CPO: variants seen among roughly 807,000 people sequenced by gnomAD.
The protein encoded by CPO is carboxypeptidase O, also known as metallocarboxypeptidase C.
A neutral mutation model predicts 41.2 loss-of-function variants in CPO; 43 were observed. The ratio of observed to expected loss-of-function variants is 1.04; its 90% CI spans 0.82 to 1.35. The LOEUF (loss-of-function observed/expected upper bound fraction) is 1.35. Among genes scored for constraint, CPO ranks in the 40% most tolerant of loss-of-function variants. The pLI is 0.00. For missense variants in CPO, 408 were observed against 451.7 expected (o/e 0.90, Z 0.88); for synonymous variants, 178 against 162.7 (o/e 1.09, Z -0.72).
At chr2:206,941,915 A>G (rs1305017278) in intron 1 of CPO, among the ~76,000 whole-genome samples, 2 of 152,118 alleles carry the variant, frequency 1.3e-5, no homozygotes, top group African/African-American at 4.8e-5. Context: ...AGCAATATCA[A>G]TCAAATGGCT....
At chr2:206,945,802 G>A (rs1693132868) in intron 1 of CPO, among the ~76,000 whole-genome samples, 1 of 152,036 alleles carries the variant, frequency 6.6e-6, no homozygotes, top group South Asian at 2.1e-4. Context: ...CAGGCATGGT[G>A]GCACATGCCT....
At chr2:206,968,671 A>G (rs934882242) in intron 8 of CPO, among the ~76,000 whole-genome samples, 2 of 152,220 alleles carry the variant, frequency 1.3e-5, no homozygotes, top group South Asian at 2.1e-4. Flanking sequence ...TGGTCAGTCA[A>G]TTCAGTTCCC....
rs902899522 is a variant in CPO at position 206,962,494 on chromosome 2, C to T, written c.657C>T (p.Ala219=). Residue 219 remains alanine, a synonymous_variant, in exon 7 of 9, where the codon GCC becomes GCT. Coordinates refer to ENST00000272852, the MANE Select transcript of CPO (RefSeq NM_173077.3). The part of the protein sequence containing the change: ...PVSEPETKAV[A]SFIESKKDDI... ...CTGAACCAGAGACTAAAGCTGTTGC[C>T]AGCTTCATAGAGAGCAAGAAGGATG... 11 of 1,614,150 alleles carry T rather than the reference C, an allele frequency of 6.8e-6. No homozygotes were observed. Among genetic ancestry groups the T allele is most frequent in the Non-Finnish European group, 9.3e-6 (11 of 1,179,994 alleles).
intron 8 of CPO, among the ~76,000 whole-genome samples, chr2:206,968,962 G>C (rs1693632725): frequency 1.3e-5 from 2 of 152,220 alleles, no homozygotes; most frequent in Non-Finnish European, 2.9e-5. Flanking sequence ...ACAGTGCCAG[G>C]TATGATGGGG....
chr2:206,943,689 TA>T (rs765877913), intron 1 of CPO, among the ~76,000 whole-genome samples: 1 of 104,548 alleles, frequency 9.6e-6, no homozygotes, highest in Non-Finnish European at 2.1e-5. Flanking sequence ...GATAGATAGA[TA>T]GATAGATAGA....
intron 7 of CPO, 92 bp downstream of exon 7, chr2:206,962,706 C>T (rs1693504384): frequency 9.5e-7 from 1 of 1,052,826 alleles, no homozygotes; most frequent in Non-Finnish European, 1.5e-6. Flanking sequence ...TTGGCTCCAG[C>T]CACCCTTTTG....
chr2:206,964,675 T>C (rs1021107521), intron 7 of CPO, among the ~76,000 whole-genome samples: 2 of 152,214 alleles, frequency 1.3e-5, no homozygotes, highest in Non-Finnish European at 2.9e-5. Flanking sequence ...ATTTCTTCAA[T>C]AAAGAAATCT....
intron 7 of CPO, among the ~76,000 whole-genome samples, chr2:206,967,350 TAGATATATAG>T (rs536825108): frequency 6.3e-5 from 7 of 111,998 alleles, no homozygotes; most frequent in South Asian, 2.8e-4. Flanking sequence ...TATATATATA[TAGATATATAG>T]ATATAGATAT....
At chr2:206,945,843 G>A (rs996889650) in intron 1 of CPO, among the ~76,000 whole-genome samples, 5 of 152,098 alleles carry the variant, frequency 3.3e-5, no homozygotes, top group Non-Finnish European at 5.9e-5. Flanking sequence ...GGCTGAGGCA[G>A]GAGGATTGCT....
intron 1 of CPO, among the ~76,000 whole-genome samples, chr2:206,942,619 G>C (rs1693050529): frequency 6.6e-6 from 1 of 151,890 alleles, no homozygotes; most frequent in South Asian, 2.1e-4. Flanking sequence ...TACCCCAAAG[G>C]ATCATTTTCT....
chr2:206,960,883 A>G lies in CPO; in HGVS notation c.515A>G (p.His172Arg), dbSNP rs777842337. 8.7e-6 allele frequency: 14 copies of G among 1,613,844 alleles called. No individual in the cohort carries two copies. The highest frequency in any genetic ancestry group is 6.7e-5 in the Admixed American group (4 of 60,016). The change falls in exon 6 of 9, where the codon CAT (histidine) becomes CGT (arginine). Residue 172 changes from histidine (H) to arginine (R), a missense_variant. His to Arg is a conservative substitution (Grantham distance 29). Coordinates refer to ENST00000272852, the MANE Select transcript of CPO (RefSeq NM_173077.3). ...CTTTGGAGGAAATCCCGTTCACCCC[A>G]TAATAATGGCACATGTTTTGGGACG... Reference protein sequence around the residue: ...DRLWRKSRSPHNNGTCFGTDL... With the variant: ...DRLWRKSRSPRNNGTCFGTDL...
chr2:206,960,890 T>G lies in CPO; in HGVS notation c.522T>G (p.Asn174Lys). ...GGAAATCCCGTTCACCCCATAATAATGGCACATGTTTTGGGACGGATCTCA... is the reference window on the plus strand; with the variant it reads ...GGAAATCCCGTTCACCCCATAATAAGGGCACATGTTTTGGGACGGATCTCA... ...LWRKSRSPHNNGTCFGTDLNR... is the reference protein window; with the variant it reads ...LWRKSRSPHNKGTCFGTDLNR... Residue 174 changes from asparagine (N) to lysine (K), a missense_variant, in exon 6 of 9, where the codon AAT becomes AAG. Physicochemically the swap from Asn to Lys is moderately conservative, Grantham distance 94. Transcript: ENST00000272852. The G allele has an allele frequency of 1.2e-6, 2 of 1,613,900 alleles. No homozygotes were observed. The highest frequency in any genetic ancestry group is 1.7e-6 in the Non-Finnish European group (2 of 1,179,754).
At chr2:206,965,731 G>T (rs1693563647) in intron 7 of CPO, among the ~76,000 whole-genome samples, 1 of 152,126 alleles carries the variant, frequency 6.6e-6, no homozygotes, top group Non-Finnish European at 1.5e-5. Flanking sequence ...TGGGCCCAGA[G>T]AAGGAGTTGT....
At chr2:206,950,172 A>T (rs1040583555) in intron 2 of CPO, among the ~76,000 whole-genome samples, 1 of 152,206 alleles carries the variant, frequency 6.6e-6, no homozygotes, top group African/African-American at 2.4e-5. Context: ...AAACTTTTTA[A>T]AATTTTTATA....
At chr2:206,963,277 A>C (rs1693513876) in intron 7 of CPO, among the ~76,000 whole-genome samples, 1 of 152,256 alleles carries the variant, frequency 6.6e-6, no homozygotes, top group Admixed American at 6.5e-5. Context: ...ACACAAGTCA[A>C]AGAGAGGATA....
chr2:206,961,472 A>G (rs1167665521), intron 6 of CPO, among the ~76,000 whole-genome samples: 2 of 152,106 alleles, frequency 1.3e-5, no homozygotes, highest in African/African-American at 4.8e-5. Context: ...AAATTGCTTC[A>G]TCTCTCTGCT....
chr2:206,958,336 T>G lies in CPO; in HGVS notation c.303T>G (p.Ile101Met). ...CATCTGGTAATCCCAAGAAAATCAT[T>G]TGGATGGACTGTGGAATTCACGCCA... The part of the protein sequence containing the change: ...SQPSGNPKKI[I>M]WMDCGIHARE... Residue 101 changes from isoleucine to methionine, a missense_variant, in exon 4 of 9, where the codon ATT (isoleucine) becomes ATG (methionine). Ile to Met is a conservative substitution (Grantham distance 10). Transcript: ENST00000272852. 6.3e-7 allele frequency: 1 copy of G among 1,599,922 alleles called. No individual in the cohort carries two copies. Among genetic ancestry groups the G allele is most frequent in the Non-Finnish European group, 8.5e-7 (1 of 1,173,564 alleles).
chr2:206,955,006 T>A (rs138817181), intron 2 of CPO, among the ~76,000 whole-genome samples: 2 of 152,252 alleles, frequency 1.3e-5, no homozygotes, highest in African/African-American at 2.4e-5. Context: ...GAATTCAAGA[T>A]GAGATTTGGG....
At chr2:206,950,520 C>CTA (rs1282063621) in intron 2 of CPO, among the ~76,000 whole-genome samples, 4 of 152,124 alleles carry the variant, frequency 2.6e-5, no homozygotes, top group African/African-American at 9.7e-5. Context: ...GACAGTGTGG[C>CTA]GATTCCTCAA....
Sources: allele counts gnomAD v4.1 joint callset (sites outside exome capture counted in the v4.1 genomes callset), GRCh38; gene constraint gnomAD v4.1.1; transcripts MANE v1.5; gene names NCBI Gene and HGNC (gene_info 2026-07-23, HGNC 2026-07-21).